ROBO2: variants seen among roughly 807,000 people sequenced by gnomAD.
ROBO2 encodes roundabout guidance receptor 2.
Under a neutral mutation model 160.8 loss-of-function variants are expected in ROBO2, and 53 were observed. The ratio of observed to expected loss-of-function variants is 0.33; its 90% CI spans 0.26 to 0.41. The LOEUF (loss-of-function observed/expected upper bound fraction) is 0.41. ROBO2 is among the 10% of genes least tolerant of loss of function. The pLI, the probability that ROBO2 is intolerant of heterozygous loss-of-function variation, is 1.00. For missense variants in ROBO2, 1,577 were observed against 1,722.4 expected (o/e 0.92, Z 1.49); for synonymous variants, 664 against 611.7 (o/e 1.09, Z -1.26).
rs1235840043 is a variant in ROBO2, at chr3:75,968,811, A to G, written c.109+31209A>G. The stretch of plus-strand genomic sequence containing the variant: ...TTGGCTTGTTTTAGATAGTACATAG[A>G]TAGCACATAGAATAGCCACCATTCT... On this transcript the variant is annotated intron_variant, in intron 2 of 26. Coordinates refer to the ROBO2 transcript ENST00000487694. Among the ~76,000 whole-genome samples the G allele has an allele frequency of 1.5e-5, 2 of 135,636 alleles. 1 individual carries two copies. The highest frequency in any genetic ancestry group is 3.3e-5 in the Non-Finnish European group (2 of 61,284). 89.0% of individuals were successfully genotyped at this position (135,636 alleles called of 152,430 possible).
At chr3:76,226,873 G>A (rs1013706132) in intron 2 of ROBO2, among the ~76,000 whole-genome samples, 2 of 152,106 alleles carry the variant, frequency 1.3e-5, no homozygotes, top group African/African-American at 4.8e-5. Context: ...ATGAGAAGGT[G>A]ATCTGTTATA....
rs562739533 is a variant in ROBO2, at chr3:75,948,516, AT to A, written c.109+10915del. 1.1e-4 allele frequency among the ~76,000 whole-genome samples: 17 copies of A among 152,166 alleles called. No individual in the cohort carries two copies. In the South Asian group the frequency reaches 3.5e-3, roughly 32 times the overall value. ...GAACTTGTTCTTCAACGTGGCCCAA[AT>A]ATTTCCTTCTATCTTTAGCCTTCCG... On this transcript the variant is annotated intron_variant, in intron 2 of 26. Transcript: ENST00000487694.
At chr3:76,479,547 C>T (rs187036606) in intron 2 of ROBO2, among the ~76,000 whole-genome samples, 302 of 152,262 alleles carry the variant, frequency 2.0e-3, no homozygotes, top group Non-Finnish European at 3.4e-3. Context: ...CCAGCTTATA[C>T]TGAAGTAACC....
intron 1 of ROBO2, among the ~76,000 whole-genome samples, chr3:77,058,194 A>G (rs373657582): frequency 6.6e-6 from 1 of 152,226 alleles, no homozygotes; most frequent in East Asian, 1.9e-4. Flanking sequence ...ATAGGTGAAT[A>G]GAAAACTGAG....
intron 2 of ROBO2, among the ~76,000 whole-genome samples, chr3:77,118,945 G>A (rs772840368): frequency 1.2e-4 from 19 of 152,036 alleles, no homozygotes; most frequent in Non-Finnish European, 2.5e-4. Context: ...GCTCTGTGTC[G>A]CCACCCAAAT....
At chr3:77,122,286 C>T (rs1181810448) in intron 2 of ROBO2, among the ~76,000 whole-genome samples, 3 of 152,094 alleles carry the variant, frequency 2.0e-5, no homozygotes, top group East Asian at 1.9e-4. Context: ...TTAATCTGCT[C>T]CCCAACTCTA....
intron 2 of ROBO2, among the ~76,000 whole-genome samples, chr3:77,157,777 A>G (rs969702258): frequency 3.3e-5 from 5 of 152,100 alleles, no homozygotes; most frequent in Non-Finnish European, 7.4e-5. Context: ...CACTGTTTCT[A>G]TATTAGAGAT....
At chr3:77,293,125 C>A (rs1376739954) in intron 2 of ROBO2, among the ~76,000 whole-genome samples, 1 of 149,110 alleles carries the variant, frequency 6.7e-6, no homozygotes, top group Non-Finnish European at 1.5e-5. Flanking sequence ...GGCTAGATCA[C>A]CCCAGACATA....
chr3:76,715,562 C>A (rs2093366440), intron 2 of ROBO2, among the ~76,000 whole-genome samples: 2 of 152,084 alleles, frequency 1.3e-5, no homozygotes, highest in South Asian at 4.1e-4. Context: ...AATCTTGGTC[C>A]ATGGTCTGTA....
chr3:76,960,548 C>A (rs916218724), intron 2 of ROBO2, among the ~76,000 whole-genome samples: 2 of 151,772 alleles, frequency 1.3e-5, no homozygotes. Context: ...GTCTCTAGTT[C>A]CAAAAGGTAA....
intron 2 of ROBO2, among the ~76,000 whole-genome samples, chr3:76,639,275 T>C (rs929886992): frequency 3.9e-5 from 6 of 152,012 alleles, no homozygotes; most frequent in Non-Finnish European, 5.9e-5. Context: ...TATATGTACA[T>C]ATACATATAG....
intron 2 of ROBO2, among the ~76,000 whole-genome samples, chr3:76,918,250 A>G (rs7432331): frequency 0.77 from 116,872 of 152,040 alleles, 45,605 homozygotes; most frequent in African/African-American, 0.9. Context: ...TGCTGTTCTC[A>G]CGATAGTGAG....
intron 2 of ROBO2, among the ~76,000 whole-genome samples, chr3:76,037,598 A>G (rs1043347868): frequency 2.0e-5 from 3 of 151,990 alleles, no homozygotes; most frequent in Non-Finnish European, 4.4e-5. Flanking sequence ...ACATACATAC[A>G]TAAAATGTTT....
chr3:75,997,034 A>G (rs1435659089), intron 2 of ROBO2, among the ~76,000 whole-genome samples: 5 of 152,204 alleles, frequency 3.3e-5, no homozygotes, highest in Non-Finnish European at 7.4e-5. Flanking sequence ...ACATCAATTT[A>G]TGATCTAATT....
chr3:76,833,718 C>T (rs945466953), intron 2 of ROBO2, among the ~76,000 whole-genome samples: 3 of 152,136 alleles, frequency 2.0e-5, no homozygotes, highest in Non-Finnish European at 4.4e-5. Flanking sequence ...TCTATCCTCT[C>T]GTAACTTCCC....
intron 2 of ROBO2, among the ~76,000 whole-genome samples, chr3:76,324,209 G>C (rs1333417949): frequency 1.3e-5 from 2 of 152,096 alleles, no homozygotes; most frequent in Non-Finnish European, 2.9e-5. Context: ...ACTTTGACGT[G>C]CCAAAAGTAA....
At chr3:76,453,017 G>C (rs1164448804) in intron 2 of ROBO2, among the ~76,000 whole-genome samples, 1 of 151,982 alleles carries the variant, frequency 6.6e-6, no homozygotes, top group African/African-American at 2.4e-5. Flanking sequence ...CTTTTTGATG[G>C]GGTTGTTTGT....
chr3:76,144,015 A>G (rs1279918536), intron 2 of ROBO2, among the ~76,000 whole-genome samples: 2 of 151,744 alleles, frequency 1.3e-5, no homozygotes, highest in Non-Finnish European at 2.9e-5. Flanking sequence ...TACACTGTGG[A>G]GGACAATCAG....
chr3:77,565,842 A>T (rs2153664244), intron 12 of ROBO2, among the ~76,000 whole-genome samples: 1 of 152,254 alleles, frequency 6.6e-6, no homozygotes, highest in Admixed American at 6.5e-5. Context: ...GGAAGATTTC[A>T]TAATTTTATC....
Sources: gnomAD v4.1 joint callset for allele counts (sites outside exome capture counted in the v4.1 genomes callset) on GRCh38, gnomAD v4.1.1 for gene constraint, MANE v1.5 for transcripts, NCBI Gene and HGNC (gene_info 2026-07-23, HGNC 2026-07-21) for gene names.